Variants in ADARB1 observed in about 807,000 individuals in gnomAD.
ADARB1 encodes the protein double-stranded RNA-specific editase 1.
In ADARB1, 10 loss-of-function variants were observed where a neutral mutation model predicts 52.4. The observed-to-expected ratio is 0.19, with a 90% CI of 0.12 to 0.32. The LOEUF (loss-of-function observed/expected upper bound fraction) is 0.32, where lower values mean the gene tolerates loss of function less well. ADARB1 is among the 10% of genes least tolerant of loss of function. The pLI, the probability that ADARB1 is intolerant of heterozygous loss-of-function variation, is 1.00. For missense variants in ADARB1, 643 were observed against 922.3 expected, an observed-to-expected ratio of 0.70 and a Z score of 3.92; for synonymous variants, 349 against 371.1, an observed-to-expected ratio of 0.94 and a Z score of 0.68.
At chr21:45,207,160 C>A (rs1319930520) in intron 9 of ADARB1, among the ~76,000 whole-genome samples, 4 of 152,212 alleles carry the variant, frequency 2.6e-5, no homozygotes, top group Non-Finnish European at 5.9e-5. Flanking sequence ...GGAGGCAGAA[C>A]CTTAACTCAA....
intron 2 of ADARB1, among the ~76,000 whole-genome samples, chr21:45,149,209 T>A (rs1021631778): frequency 6.6e-6 from 1 of 152,226 alleles, no homozygotes; most frequent in African/African-American, 2.4e-5. Flanking sequence ...CTCGGCAGGC[T>A]CCACACTTGC....
At chr21:45,110,709 A>G (rs2087494180) in intron 1 of ADARB1, among the ~76,000 whole-genome samples, 1 of 152,108 alleles carries the variant, frequency 6.6e-6, no homozygotes. Context: ...GTCAGGATTC[A>G]TTTATTTTGA....
intron 9 of ADARB1, among the ~76,000 whole-genome samples, chr21:45,205,901 C>T (rs1179519193): frequency 6.6e-6 from 1 of 152,116 alleles, no homozygotes; most frequent in African/African-American, 2.4e-5. Context: ...GCAACTAGCA[C>T]GCCTTTAATT....
chr21:45,223,337 G>A lies in ADARB1; in HGVS notation c.*1140G>A. The A allele has an allele frequency of 1.0e-6, 1 of 985,532 alleles. No homozygotes were observed. The highest frequency in any genetic ancestry group is 1.2e-6 in the Non-Finnish European group (1 of 829,968). The allele number at this position is 985,532 out of a possible 1,614,324, so 61.0% of individuals were successfully genotyped here. ...GCGTAGTGTAGGCCAGACATTGACA[G>A]TCCTGACGGGAGCTCAGGGCTGCCC... On this transcript the variant is annotated 3_prime_UTR_variant, in exon 11 of 11. Transcript: ENST00000348831.
At chr21:45,090,496 ATG>A in intron 1 of ADARB1, among the ~76,000 whole-genome samples, 1 of 152,108 alleles carries the variant, frequency 6.6e-6, no homozygotes, top group South Asian at 2.1e-4. Flanking sequence ...CAAGTTATAA[ATG>A]TCCCTACCGT....
chr21:45,201,170 CAG>C (rs2092546362), intron 8 of ADARB1, among the ~76,000 whole-genome samples: 1 of 152,156 alleles, frequency 6.6e-6, no homozygotes, highest in South Asian at 2.1e-4. Flanking sequence ...GCAGTCTTGG[CAG>C]AGCTTTACTT....
At chr21:45,075,024 C>G (rs896863155) in intron 1 of ADARB1, among the ~76,000 whole-genome samples, 4 of 151,250 alleles carry the variant, frequency 2.6e-5, no homozygotes, top group Admixed American at 1.3e-4. Flanking sequence ...AAGCTGCGCC[C>G]GGGCGGCCCC....
intron 2 of ADARB1, chr21:45,152,485 CG>C: frequency 4.2e-6 from 1 of 237,894 alleles, no homozygotes. Context: ...GAGGCTCCCT[CG>C]TCGGTAGGGG....
chr21:45,123,458 C>A (rs1036005058), intron 1 of ADARB1, among the ~76,000 whole-genome samples: 1 of 152,156 alleles, frequency 6.6e-6, no homozygotes, highest in Non-Finnish European at 1.5e-5. Flanking sequence ...CATGAGCCAC[C>A]ACTCCTGGCT....
At chr21:45,201,615 G>A (rs927271979) in intron 8 of ADARB1, among the ~76,000 whole-genome samples, 1 of 152,170 alleles carries the variant, frequency 6.6e-6, no homozygotes, top group Non-Finnish European at 1.5e-5. Context: ...TGGAGGATTT[G>A]TCCATTCGAC....
Position 45,224,988 on chromosome 21 carries a change from G to A in ADARB1, c.*2791G>A, listed in dbSNP as rs372797172. 7.1e-6 allele frequency: 7 copies of A among 985,388 alleles called. No homozygotes were observed. The highest frequency in any genetic ancestry group is 7.2e-6 in the Non-Finnish European group (6 of 829,918). The allele number at this position is 985,388 out of a possible 1,614,324, so 61.0% of individuals were successfully genotyped here. On this transcript the variant is annotated 3_prime_UTR_variant, in exon 11 of 11. Coordinates refer to ENST00000348831, the MANE Select transcript of ADARB1 (RefSeq NM_001112.4). ...CTTTTAGAGACTTAGCAGAAAATTC[G>A]ACACAAGCAGGAACTTGATTTTTTA...
At chr21:45,161,184 C>T (rs1380286545) in intron 2 of ADARB1, among the ~76,000 whole-genome samples, 3 of 152,296 alleles carry the variant, frequency 2.0e-5, no homozygotes, top group African/African-American at 4.8e-5. Context: ...CTCTGTGCTC[C>T]GCAAGTTGGT....
chr21:45,197,354 G>T (rs933711408), intron 8 of ADARB1, among the ~76,000 whole-genome samples: 22 of 151,972 alleles, frequency 1.4e-4, no homozygotes, highest in Non-Finnish European at 4.4e-5. Context: ...ACAAAAATTA[G>T]CCGGGCATGG....
At chr21:45,119,378 GC>G (rs770919241) in intron 1 of ADARB1, among the ~76,000 whole-genome samples, 2 of 152,216 alleles carry the variant, frequency 1.3e-5, no homozygotes, top group African/African-American at 2.4e-5. Context: ...ACTGTGCCTA[GC>G]CTAAAAGCCT....
Position 45,222,228 on chromosome 21 carries a change from G to T in ADARB1, c.*31G>T, listed in dbSNP as rs200227306. 2.6e-6 allele frequency: 4 copies of T among 1,524,512 alleles called. No homozygotes were observed. The highest frequency in any genetic ancestry group is 4.6e-5 in the East Asian group (2 of 43,364). The allele number at this position is 1,524,512 out of a possible 1,614,324, so 94.4% of individuals were successfully genotyped here. A position where few individuals can be genotyped will look rare whatever the true frequency, so the allele number is the denominator to read the frequency against. ...GCAGACATGATGGGGGGTGCAGGGG[G>T]CTGTGGGCATCCAGCGTCATCCTCC... On this transcript the variant is annotated 3_prime_UTR_variant, in exon 11 of 11. Transcript: ENST00000348831.
chr21:45,163,896 G>T (rs2091113168), intron 2 of ADARB1, among the ~76,000 whole-genome samples: 1 of 152,204 alleles, frequency 6.6e-6, no homozygotes, highest in Admixed American at 6.5e-5. Flanking sequence ...TGTAGACTCA[G>T]AGTAGCTGTC....
At chr21:45,105,788 A>G (rs1457679465) in intron 1 of ADARB1, among the ~76,000 whole-genome samples, 1 of 152,148 alleles carries the variant, frequency 6.6e-6, no homozygotes, top group East Asian at 1.9e-4. Context: ...AAGATAGGGG[A>G]CTGGAAACAT....
chr21:45,088,464 A>G (rs2086431920), intron 1 of ADARB1, among the ~76,000 whole-genome samples: 1 of 152,242 alleles, frequency 6.6e-6, no homozygotes, highest in Non-Finnish European at 1.5e-5. Flanking sequence ...AGTCAGTATC[A>G]CTACTGATAC....
intron 5 of ADARB1, 24 bp downstream of exon 5, chr21:45,180,468 A>T (rs1345728909): frequency 2.5e-6 from 4 of 1,570,252 alleles, no homozygotes; most frequent in Non-Finnish European, 3.5e-6. Context: ...TGTTGTATGT[A>T]ACCCTGCCTG....
Sources: allele counts gnomAD v4.1 joint callset (sites outside exome capture counted in the v4.1 genomes callset), GRCh38; gene constraint gnomAD v4.1.1; transcripts MANE v1.5; gene names NCBI Gene and HGNC (gene_info 2026-07-23, HGNC 2026-07-21).